Variants in SLC9A2 observed in about 807,000 individuals in gnomAD.
SLC9A2 encodes sodium/hydrogen exchanger 2.
Under a neutral mutation model 71.7 loss-of-function variants are expected in SLC9A2, and 42 were observed. The observed-to-expected ratio is 0.59, with a 90% confidence interval of 0.46 to 0.76. The LOEUF (loss-of-function observed/expected upper bound fraction) is 0.76. SLC9A2 is among the 30% of genes least tolerant of loss of function. The probability of loss-of-function intolerance (pLI) is 0.00; values close to 1 mark genes in which losing one functional copy is unlikely to be tolerated. For synonymous variants in SLC9A2, 396 were observed against 392.5 expected, an observed-to-expected ratio of 1.01 and a Z score of -0.10; for missense variants, 829 against 1,017.4, an observed-to-expected ratio of 0.81 and a Z score of 2.52.
chr2:102,672,040 C>T (rs1004221691), intron 3 of SLC9A2, among the ~76,000 whole-genome samples: 2 of 152,112 alleles, frequency 1.3e-5, no homozygotes, highest in Admixed American at 6.5e-5. Context: ...ACCCGGGAGG[C>T]GGAGGTTGCA....
chr2:102,664,445 G>GCA (rs58155284), intron 2 of SLC9A2, among the ~76,000 whole-genome samples: 38,385 of 147,550 alleles, frequency 0.26, 5,004 homozygotes, highest in South Asian at 0.4. Flanking sequence ...TTCAGCAGAT[G>GCA]CACACACACA....
intron 10 of SLC9A2, among the ~76,000 whole-genome samples, chr2:102,704,909 C>T (rs1209199016): frequency 6.6e-6 from 1 of 152,030 alleles, no homozygotes; most frequent in Non-Finnish European, 1.5e-5. Flanking sequence ...AAAACAATAT[C>T]GTGGGCCGGT....
chr2:102,620,116 C>T lies in SLC9A2; in HGVS notation c.268C>T (p.Leu90=), dbSNP rs775506413. The change falls in exon 1 of 12, where the codon CTG becomes TTG. Residue 90 remains leucine, a synonymous_variant. Coordinates refer to ENST00000233969, the MANE Select transcript of SLC9A2 (RefSeq NM_003048.6). ...CTTCGAGATCACCCTTTGGATCCTGCTGGCCTCCCTGGCCAAGATTGGTGA... is the reference window on the plus strand; with the variant it reads ...CTTCGAGATCACCCTTTGGATCCTGTTGGCCTCCCTGGCCAAGATTGGTGA... ...IPFEITLWIL[L]ASLAKIGFHL... 17 of 1,605,778 alleles carry T rather than the reference C, an allele frequency of 1.1e-5. No individual in the cohort carries two copies. The Admixed American group carries it at 2.5e-4, about 24-fold the overall frequency.
rs529160761 is a variant in SLC9A2, at chr2:102,647,194, A to G, written c.290-10370A>G. On this transcript the variant is annotated intron_variant, in intron 1 of 11. Coordinates refer to ENST00000233969, the MANE Select transcript of SLC9A2 (RefSeq NM_003048.6). ...CACAGAACTACATGGAAACTGAACAACTTGCTCCCAAATGACTGCTGTGTA... is the reference window on the plus strand; with the variant it reads ...CACAGAACTACATGGAAACTGAACAGCTTGCTCCCAAATGACTGCTGTGTA... 3.9e-5 allele frequency among the ~76,000 whole-genome samples: 6 copies of G among 152,326 alleles called. No individual in the cohort carries two copies. In the South Asian group the frequency reaches 1.2e-3, roughly 32 times the overall value.
chr2:102,646,789 A>ATATC (rs887096663), intron 1 of SLC9A2, among the ~76,000 whole-genome samples: 1 of 148,288 alleles, frequency 6.7e-6, no homozygotes, highest in African/African-American at 2.5e-5. Context: ...ATATATATAT[A>ATATC]TCTCCAATAC....
intron 7 of SLC9A2, among the ~76,000 whole-genome samples, chr2:102,699,443 T>C (rs577410304): frequency 6.6e-6 from 1 of 152,280 alleles, no homozygotes; most frequent in South Asian, 2.1e-4. Flanking sequence ...GACAGTTACA[T>C]CATTAGACAT....
chr2:102,619,720 A>G lies in SLC9A2; in HGVS notation c.-129A>G, dbSNP rs1282744223. On this transcript the variant is annotated 5_prime_UTR_variant, in exon 1 of 12. Transcript: ENST00000233969. This position sits in a 1 kb window ranked among gnomAD's most constrained non-coding sequence, Gnocchi z 4.3. ...GGTTGCAGAGACCCGGTGCCGCAGC[A>G]GCGGCGGGTGGCTGTCGCTGCCCTG... is the stretch of plus-strand genomic sequence containing the variant. 2.6e-6 allele frequency: 2 copies of G among 760,410 alleles called. No homozygotes were observed. Among genetic ancestry groups the G allele is most frequent in the African/African-American group, 3.7e-5 (2 of 53,924 alleles). The allele number at this position is 760,410 out of a possible 1,614,324, so 47.1% of individuals were successfully genotyped here. A position where few individuals can be genotyped will look rare whatever the true frequency, so the allele number is the denominator to read the frequency against.
chr2:102,640,698 C>G (rs1271826926), intron 1 of SLC9A2, among the ~76,000 whole-genome samples: 1 of 152,132 alleles, frequency 6.6e-6, no homozygotes, highest in Non-Finnish European at 1.5e-5. Flanking sequence ...CATTTAGGGT[C>G]TTCATGGAGG....
At chr2:102,699,132 A>C (rs776687729) in intron 7 of SLC9A2, among the ~76,000 whole-genome samples, 4 of 152,162 alleles carry the variant, frequency 2.6e-5, no homozygotes, top group African/African-American at 9.7e-5. Flanking sequence ...TGGGGGAGGA[A>C]GGTTGTGTGC....
intron 7 of SLC9A2, among the ~76,000 whole-genome samples, chr2:102,699,148 T>G (rs1429722722): frequency 6.6e-6 from 1 of 152,146 alleles, no homozygotes; most frequent in African/African-American, 2.4e-5. Context: ...TGTGCAATTC[T>G]AACAGGATGG....
At chr2:102,687,707 G>A (rs1043972337) in intron 5 of SLC9A2, among the ~76,000 whole-genome samples, 2 of 151,986 alleles carry the variant, frequency 1.3e-5, no homozygotes, top group East Asian at 1.9e-4. Context: ...TTTGAATCGT[G>A]TTGCTTCTTA....
chr2:102,692,180 G>A (rs1380026148), intron 5 of SLC9A2, among the ~76,000 whole-genome samples: 2 of 152,150 alleles, frequency 1.3e-5, no homozygotes, highest in African/African-American at 4.8e-5. Context: ...TTATCTCAAA[G>A]TAGCAGACTG....
chr2:102,668,611 G>A (rs750167378), intron 3 of SLC9A2, among the ~76,000 whole-genome samples: 30 of 152,280 alleles, frequency 2.0e-4, no homozygotes, highest in East Asian at 7.7e-4. Flanking sequence ...GGCATCTGAC[G>A]TACTGAGAAT....
intron 1 of SLC9A2, among the ~76,000 whole-genome samples, chr2:102,627,894 A>G (rs1002567208): frequency 6.6e-6 from 1 of 152,152 alleles, no homozygotes; most frequent in Admixed American, 6.6e-5. Context: ...ATTATTTTCA[A>G]TAGTTTCTCT....
rs577916489 is a variant in SLC9A2, at chr2:102,641,375, A to G, written c.290-16189A>G. Among the ~76,000 whole-genome samples the G allele has an allele frequency of 2.6e-5, 4 of 152,122 alleles. No individual in the cohort carries two copies. In the East Asian group the frequency reaches 7.8e-4, roughly 30 times the overall value. On this transcript the variant is annotated intron_variant, in intron 1 of 11. Transcript: ENST00000233969. ...ATGGTAAATCCAAATTGTGGATGAC[A>G]GGTCCCAGAACACATCACCCTTTCC...
intron 1 of SLC9A2, among the ~76,000 whole-genome samples, chr2:102,650,146 A>G (rs1482499360): frequency 6.6e-6 from 1 of 152,238 alleles, no homozygotes; most frequent in Non-Finnish European, 1.5e-5. Flanking sequence ...GCCATAAAAA[A>G]GAATGAGTTC....
At chr2:102,629,128 G>T (rs1249240489) in intron 1 of SLC9A2, among the ~76,000 whole-genome samples, 3 of 151,978 alleles carry the variant, frequency 2.0e-5, no homozygotes, top group Non-Finnish European at 4.4e-5. Context: ...TACTTTATCA[G>T]TTCCTGGGGT....
Position 102,665,459 on chromosome 2 carries a change from T to C in SLC9A2, c.1004+109T>C, listed in dbSNP as rs923141644. Reference sequence around the variant, plus strand: ...AGTTATATGAAACACTAGGTTTTCTTATTCTTTTAAGAAAAATTAAAAATA... The same window carrying C: ...AGTTATATGAAACACTAGGTTTTCTCATTCTTTTAAGAAAAATTAAAAATA... On this transcript the variant is annotated intron_variant, in intron 3 of 11. Transcript: ENST00000233969. 5 of 1,220,454 alleles carry C rather than the reference T, an allele frequency of 4.1e-6. No individual in the cohort carries two copies. In the African/African-American group the frequency reaches 7.6e-5, roughly 19 times the overall value. The allele number at this position is 1,220,454 out of a possible 1,614,324, so 75.6% of individuals were successfully genotyped here. A position where few individuals can be genotyped will look rare whatever the true frequency, so the allele number is the denominator to read the frequency against.
chr2:102,687,783 A>ATTT (rs35653787), intron 5 of SLC9A2, among the ~76,000 whole-genome samples: 1 of 145,426 alleles, frequency 6.9e-6, no homozygotes, highest in African/African-American at 2.5e-5. Context: ...TGTTTGGGGA[A>ATTT]TTTTTTTTTT....
Sources: gnomAD v4.1 joint callset for allele counts (sites outside exome capture counted in the v4.1 genomes callset) on GRCh38, gnomAD v4.1.1 for gene constraint, Gnocchi (gnomAD v3.1) non-coding constraint, MANE v1.5 for transcripts, NCBI Gene and HGNC (gene_info 2026-07-23, HGNC 2026-07-21) for gene names.